The following ADGRL2 variants were observed in gnomAD, a reference collection of about 807,000 sequenced individuals.
ADGRL2 encodes adhesion G protein-coupled receptor L2.
ADGRL2 carries 44 observed loss-of-function variants against 157.4 expected under a neutral mutation model. The observed-to-expected ratio is 0.28, with a 90% CI of 0.22 to 0.36. The LOEUF is 0.36. ADGRL2 is among the 10% of genes least tolerant of loss of function. The probability of loss-of-function intolerance (pLI) is 1.00; values close to 1 mark genes in which losing one functional copy is unlikely to be tolerated. For missense variants in ADGRL2, 1,510 were observed against 1,768.9 expected, an observed-to-expected ratio of 0.85 and a Z score of 2.63; for synonymous variants, 585 against 624.7, an observed-to-expected ratio of 0.94 and a Z score of 0.95.
At chr1:81,932,929 C>T (rs1223540992) in intron 3 of ADGRL2, among the ~76,000 whole-genome samples, 2 of 151,920 alleles carry the variant, frequency 1.3e-5, no homozygotes, top group East Asian at 3.9e-4. Flanking sequence ...CTCCAAATCC[C>T]GACCTCAGGT....
At chr1:81,799,646 G>A (rs146347986), upstream of ADGRL2, among the ~76,000 whole-genome samples, 7 of 152,200 alleles carry the variant, frequency 4.6e-5, no homozygotes, top group East Asian at 1.4e-3. Context: ...ACATTGTTTG[G>A]AATGATTCCT....
chr1:81,465,499 A>T (rs2078034042), intron 2 of ADGRL2, among the ~76,000 whole-genome samples: 1 of 152,152 alleles, frequency 6.6e-6, no homozygotes, highest in Admixed American at 6.6e-5. Flanking sequence ...CCATTCAGAA[A>T]GATTTTGTTT....
At chr1:81,900,369 A>G (rs540319122) in intron 2 of ADGRL2, among the ~76,000 whole-genome samples, 2 of 152,130 alleles carry the variant, frequency 1.3e-5, no homozygotes, top group Non-Finnish European at 2.9e-5. Flanking sequence ...ATCCCCCGCA[A>G]TCCCTCCATC....
chr1:81,396,990 A>G (rs2076666199), intron 1 of ADGRL2, among the ~76,000 whole-genome samples: 1 of 152,182 alleles, frequency 6.6e-6, no homozygotes, highest in African/African-American at 2.4e-5. Context: ...TTAGCCTCAT[A>G]CAGTGATTTT....
At chr1:81,867,665 T>C (rs2093580885) in intron 2 of ADGRL2, among the ~76,000 whole-genome samples, 1 of 152,196 alleles carries the variant, frequency 6.6e-6, no homozygotes, top group Non-Finnish European at 1.5e-5. Flanking sequence ...ATGGAATTGC[T>C]AATACTAATT....
intron 10 of ADGRL2, among the ~76,000 whole-genome samples, chr1:81,953,537 A>C (rs750767227): frequency 2.6e-5 from 4 of 152,192 alleles, no homozygotes; most frequent in Non-Finnish European, 5.9e-5. Context: ...ATGAAATATG[A>C]ATATAATTTG....
chr1:81,615,984 C>T (rs2148688281), intron 3 of ADGRL2, among the ~76,000 whole-genome samples: 1 of 152,236 alleles, frequency 6.6e-6, no homozygotes, highest in South Asian at 2.1e-4. Flanking sequence ...CTGCAGGTAT[C>T]AATCATTTCA....
intron 2 of ADGRL2, among the ~76,000 whole-genome samples, chr1:81,536,713 G>A (rs1231447952): frequency 6.6e-6 from 1 of 151,994 alleles, no homozygotes; most frequent in Non-Finnish European, 1.5e-5. Context: ...CAGACTTATA[G>A]TTAGAATTCT....
intron 3 of ADGRL2, among the ~76,000 whole-genome samples, chr1:81,626,051 C>T (rs751653376): frequency 3.9e-5 from 6 of 152,256 alleles, no homozygotes; most frequent in South Asian, 2.1e-4. Flanking sequence ...ACACACCTAC[C>T]GAATGATTAC....
chr1:81,828,318 TC>T (rs1210494458), intron 1 of ADGRL2, among the ~76,000 whole-genome samples: 1 of 152,212 alleles, frequency 6.6e-6, no homozygotes, highest in African/African-American at 2.4e-5. Context: ...AAATGTTGGT[TC>T]TAATCCTTAC....
intron 1 of ADGRL2, among the ~76,000 whole-genome samples, chr1:81,349,508 T>C (rs1310494648): frequency 6.6e-6 from 1 of 152,108 alleles, no homozygotes; most frequent in Non-Finnish European, 1.5e-5. Context: ...TGTGGGATGG[T>C]ATTGGTGCTC....
chr1:81,967,716 C>T (rs183467395), intron 13 of ADGRL2, among the ~76,000 whole-genome samples: 2 of 152,204 alleles, frequency 1.3e-5, no homozygotes, highest in Non-Finnish European at 2.9e-5. Context: ...AAATTTATGG[C>T]TCTAATTTTA....
intron 2 of ADGRL2, among the ~76,000 whole-genome samples, chr1:81,574,379 G>A (rs2080756018): frequency 1.3e-5 from 2 of 152,142 alleles, no homozygotes. Flanking sequence ...ATGGGGTGAA[G>A]CCCAGCCTCT....
At chr1:81,554,693 A>T (rs1400624029) in intron 2 of ADGRL2, among the ~76,000 whole-genome samples, 1 of 152,086 alleles carries the variant, frequency 6.6e-6, no homozygotes, top group East Asian at 1.9e-4. Flanking sequence ...GTTTCTAATG[A>T]CCATGAGACA....
chr1:81,454,145 C>T (rs2077754787), intron 2 of ADGRL2, among the ~76,000 whole-genome samples: 1 of 151,200 alleles, frequency 6.6e-6, no homozygotes, highest in East Asian at 1.9e-4. Flanking sequence ...TTGGCTCAGT[C>T]TTGAACATCT....
At chr1:81,466,622 C>T (rs2078058080) in intron 2 of ADGRL2, among the ~76,000 whole-genome samples, 1 of 151,990 alleles carries the variant, frequency 6.6e-6, no homozygotes, top group Non-Finnish European at 1.5e-5. Context: ...CAAAAGCAAC[C>T]CAGTGATAAG....
intron 3 of ADGRL2, among the ~76,000 whole-genome samples, chr1:81,607,404 G>A (rs1054123926): frequency 6.6e-6 from 1 of 152,154 alleles, no homozygotes; most frequent in African/African-American, 2.4e-5. Context: ...ACACAGCCAA[G>A]TGTGATAAAG....
intron 3 of ADGRL2, among the ~76,000 whole-genome samples, chr1:81,692,416 A>G (rs2083360916): frequency 6.6e-6 from 1 of 152,212 alleles, no homozygotes; most frequent in Non-Finnish European, 1.5e-5. Flanking sequence ...TATGTGGGAT[A>G]ACAGAGATGC....
At chr1:81,471,151 A>T (rs138122311) in intron 2 of ADGRL2, among the ~76,000 whole-genome samples, 2 of 152,178 alleles carry the variant, frequency 1.3e-5, no homozygotes, top group African/African-American at 4.8e-5. Context: ...ATGGTGGTTG[A>T]CATTATTATT....
Sources: gnomAD v4.1 joint callset for allele counts (sites outside exome capture counted in the v4.1 genomes callset) on GRCh38, gnomAD v4.1.1 for gene constraint, MANE v1.5 for transcripts, NCBI Gene and HGNC (gene_info 2026-07-23, HGNC 2026-07-21) for gene names.